The following NSRP1 variants were observed in gnomAD, a reference collection of about 807,000 sequenced individuals.
NSRP1 encodes nuclear speckle splicing regulatory protein 1.
NSRP1 carries 24 observed loss-of-function variants against 54.7 expected under a neutral mutation model. That is an observed-to-expected ratio of 0.44 (90% CI 0.32 to 0.62). NSRP1 has a LOEUF of 0.62. Among genes scored for constraint, NSRP1 ranks in the 20% least tolerant of loss-of-function variants. The pLI is 0.06. For synonymous variants in NSRP1, 210 were observed against 213.8 expected (o/e 0.98, Z 0.15); for missense variants, 596 against 651.2 (o/e 0.92, Z 0.92).
chr17:30,184,565 A>G, intron 6 of NSRP1, 50 bp from the exon 7 acceptor site: 1 of 1,513,312 alleles, frequency 6.6e-7, no homozygotes, highest in South Asian at 1.4e-5. Flanking sequence ...GCTTATTACA[A>G]CTGATAATGT....
chr17:30,166,279 A>G (rs936092719), intron 2 of NSRP1, among the ~76,000 whole-genome samples: 5 of 152,194 alleles, frequency 3.3e-5, no homozygotes, highest in African/African-American at 1.2e-4. Flanking sequence ...CAGTATAGGA[A>G]CACTGAAGTT....
intron 2 of NSRP1, among the ~76,000 whole-genome samples, chr17:30,169,131 A>G (rs1904838970): frequency 6.6e-6 from 1 of 152,098 alleles, no homozygotes; most frequent in Non-Finnish European, 1.5e-5. Flanking sequence ...AAATAGATAT[A>G]GTCTACATTG....
At chr17:30,180,187 C>T (rs975473923) in intron 5 of NSRP1, among the ~76,000 whole-genome samples, 1 of 148,776 alleles carries the variant, frequency 6.7e-6, no homozygotes, top group African/African-American at 2.5e-5. Context: ...GACAGAGTCT[C>T]GCTGTGTCGC....
chr17:30,165,825 C>A (rs1421070041), intron 2 of NSRP1, among the ~76,000 whole-genome samples: 4 of 152,096 alleles, frequency 2.6e-5, no homozygotes, highest in African/African-American at 9.7e-5. Context: ...CAAAAGAAAA[C>A]ATATACAGCC....
intron 2 of NSRP1, among the ~76,000 whole-genome samples, chr17:30,124,635 A>G (rs1319056610): frequency 6.6e-6 from 1 of 152,194 alleles, no homozygotes; most frequent in African/African-American, 2.4e-5. Context: ...CAAGTAGGAG[A>G]TGGTTCTTGG....
At position 30,185,462 on chromosome 17, in the gene NSRP1, C is replaced by T; in HGVS notation, c.1465C>T (p.Pro489Ser). 2 of 1,609,312 alleles carry T rather than the reference C, an allele frequency of 1.2e-6. No homozygotes were observed. Among genetic ancestry groups the T allele is most frequent in the Non-Finnish European group, 1.7e-6 (2 of 1,178,934 alleles). ...AKDKERNQEK[P>S]SNSESSLGAK... ...GGACAAAGAAAGAAACCAAGAGAAA[C>T]CCTCTAATTCTGAATCATCACTGGG... The change falls in exon 7 of 7, where the codon CCC (proline) becomes TCC (serine). Residue 489 changes from proline (P) to serine (S), a missense_variant. Pro to Ser is a moderately conservative substitution (Grantham distance 74, BLOSUM62 -1). Transcript: ENST00000247026.
chr17:30,176,923 G>C (rs1905145930), intron 3 of NSRP1, among the ~76,000 whole-genome samples: 1 of 152,128 alleles, frequency 6.6e-6, no homozygotes, highest in Non-Finnish European at 1.5e-5. Context: ...AGATTCTTTT[G>C]AATAATTATA....
intron 2 of NSRP1, among the ~76,000 whole-genome samples, chr17:30,161,039 C>A (rs1374974616): frequency 6.6e-6 from 1 of 152,068 alleles, no homozygotes; most frequent in African/African-American, 2.4e-5. Context: ...CATGTTTATA[C>A]AATGGAAACA....
At chr17:30,161,862 G>C (rs989637575) in intron 2 of NSRP1, among the ~76,000 whole-genome samples, 1 of 151,854 alleles carries the variant, frequency 6.6e-6, no homozygotes, top group Non-Finnish European at 1.5e-5. Flanking sequence ...ACCTTGCCAG[G>C]GTTGAGTAAT....
rs201491188 is a variant in NSRP1 at position 30,116,895 on chromosome 17, G to A, written c.20+32G>A. ...GATCCGGGAGTTAGGGTCAGGCTGG[G>A]GGATGAGAAACTACGGCGACTGTAT... is the stretch of plus-strand genomic sequence containing the variant. On this transcript the variant is annotated intron_variant, in intron 1 of 6. Coordinates refer to ENST00000247026, the MANE Select transcript of NSRP1 (RefSeq NM_032141.4). 8.3e-6 allele frequency: 13 copies of A among 1,564,430 alleles called. No homozygotes were observed. The Admixed American group carries it at 1.9e-4, about 23-fold the overall frequency.
intron 2 of NSRP1, chr17:30,126,174 A>G (rs963662791): frequency 1.2e-4 from 18 of 152,186 alleles, no homozygotes; most frequent in South Asian, 2.1e-4. Flanking sequence ...TCAGTCCTGA[A>G]CGTAATTATA....
chr17:30,141,645 G>A (rs1026903682), intron 2 of NSRP1, among the ~76,000 whole-genome samples: 1 of 152,120 alleles, frequency 6.6e-6, no homozygotes, highest in African/African-American at 2.4e-5. Context: ...GTTTGAATAT[G>A]TATTTGTGCT....
At chr17:30,137,303 C>T (rs1335864415) in intron 2 of NSRP1, among the ~76,000 whole-genome samples, 1 of 152,170 alleles carries the variant, frequency 6.6e-6, no homozygotes, top group Non-Finnish European at 1.5e-5. Flanking sequence ...TAATAGAGTC[C>T]TTCTACCAGG....
intron 6 of NSRP1, among the ~76,000 whole-genome samples, chr17:30,182,048 CTTTTTTTTTTTT>C (rs10549815): frequency 2.0e-5 from 2 of 98,328 alleles, no homozygotes; most frequent in African/African-American, 7.8e-5. Flanking sequence ...CACCTGGCTG[CTTTTTTTTTTTT>C]TTTTTTTTTT....
chr17:30,165,744 G>T (rs1282305759), intron 2 of NSRP1, among the ~76,000 whole-genome samples: 1 of 152,102 alleles, frequency 6.6e-6, no homozygotes, highest in Non-Finnish European at 1.5e-5. Context: ...GCTAATTAAG[G>T]ATTCAAATGT....
At chr17:30,180,724 A>G (rs1206479894) in intron 5 of NSRP1, among the ~76,000 whole-genome samples, 184 bp from the exon 6 acceptor site, 1 of 152,206 alleles carries the variant, frequency 6.6e-6, no homozygotes, top group Non-Finnish European at 1.5e-5. Context: ...ATAAATGAAC[A>G]GGGCTTTGTT....
Position 30,179,260 on chromosome 17 carries a change from A to G in NSRP1, c.471A>G (p.Glu157=). 6.3e-7 allele frequency: 1 copy of G among 1,592,480 alleles called. No individual in the cohort carries two copies. The highest frequency in any genetic ancestry group is 1.1e-5 in the South Asian group (1 of 87,052). The change falls in exon 5 of 7, where the codon GAA becomes GAG. Residue 157 remains glutamate, a synonymous_variant. Coordinates refer to ENST00000247026, the MANE Select transcript of NSRP1 (RefSeq NM_032141.4). The part of the protein sequence containing the change: ...AYKKKLQERA[E]EEEREKRAAA... ...AGAAAAAACTGCAAGAGAGAGCTGA[A>G]GAAGAAGAAAGAGAAAAGAGGGCTG...
At chr17:30,125,110 C>T (rs1437171242) in intron 2 of NSRP1, among the ~76,000 whole-genome samples, 1 of 152,028 alleles carries the variant, frequency 6.6e-6, no homozygotes, top group Non-Finnish European at 1.5e-5. Context: ...GCAGGAAAAT[C>T]ACTTGAACCC....
In NSRP1 at chr17:30,179,263, A is replaced by G; in HGVS notation, c.474A>G (p.Glu158=). 6.3e-7 allele frequency: 1 copy of G among 1,591,254 alleles called. No homozygotes were observed. Among genetic ancestry groups the G allele is most frequent in the Non-Finnish European group, 8.6e-7 (1 of 1,168,356 alleles). ...YKKKLQERAE[E]EEREKRAAAL... is the part of the protein sequence containing the mutation. ...AAAAACTGCAAGAGAGAGCTGAAGA[A>G]GAAGAAAGAGAAAAGAGGGCTGCTG... Residue 158 remains glutamate, a synonymous_variant, in exon 5 of 7, where the codon GAA becomes GAG. Coordinates refer to ENST00000247026, the MANE Select transcript of NSRP1 (RefSeq NM_032141.4).
Sources: gnomAD v4.1 joint callset for allele counts (sites outside exome capture counted in the v4.1 genomes callset) on GRCh38, gnomAD v4.1.1 for gene constraint, MANE v1.5 for transcripts, NCBI Gene and HGNC (gene_info 2026-07-23, HGNC 2026-07-21) for gene names.